The following ACVR1 variants were observed in gnomAD, a reference collection of about 807,000 sequenced individuals.
ACVR1 encodes activin receptor type-1.
In ACVR1, 38 loss-of-function variants were observed where a neutral mutation model predicts 57.1. The ratio of observed to expected loss-of-function variants is 0.67; its 90% confidence interval spans 0.51 to 0.87. ACVR1 has a LOEUF of 0.87. Among genes scored for constraint, ACVR1 ranks in the 40% least tolerant of loss-of-function variants. The pLI, the probability that ACVR1 is intolerant of heterozygous loss-of-function variation, is 0.00. For missense variants in ACVR1, 463 were observed against 638.2 expected (o/e 0.73, Z 2.96); for synonymous variants, 212 against 228.1 (o/e 0.93, Z 0.63).
intron 9 of ACVR1, among the ~76,000 whole-genome samples, chr2:157,753,357 G>C (rs1359547858): frequency 6.6e-6 from 1 of 152,098 alleles, no homozygotes; most frequent in Non-Finnish European, 1.5e-5. Flanking sequence ...GTGAAACCCT[G>C]TTTCTCCTAA....
chr2:157,819,038 A>T (rs1044658134), intron 1 of ACVR1, among the ~76,000 whole-genome samples: 2 of 118,986 alleles, frequency 1.7e-5, no homozygotes, highest in African/African-American at 3.2e-5. Context: ...AGATCCCGCC[A>T]CTGCACTCCA....
intron 3 of ACVR1, among the ~76,000 whole-genome samples, chr2:157,795,377 A>AACACACACACACACAC (rs4029027): frequency 7.5e-6 from 1 of 134,118 alleles, no homozygotes; most frequent in South Asian, 2.6e-4. Flanking sequence ...CCTTCCATAG[A>AACACACACACACACAC]ACACACACAC....
chr2:157,805,326 T>C (rs1687479304), intron 2 of ACVR1, among the ~76,000 whole-genome samples: 1 of 152,212 alleles, frequency 6.6e-6, no homozygotes, highest in Non-Finnish European at 1.5e-5. Flanking sequence ...CCTGATACTC[T>C]TCTCAATTCA....
intron 8 of ACVR1, 57 bp from the exon 9 acceptor site, chr2:157,761,134 C>A: frequency 6.3e-7 from 1 of 1,582,748 alleles, no homozygotes; most frequent in Non-Finnish European, 8.6e-7. Context: ...TAAGAGGCTG[C>A]TGAAGGATTT....
intron 5 of ACVR1, 72 bp from the exon 6 acceptor site, chr2:157,774,259 T>C (rs190911080): frequency 8.1e-7 from 1 of 1,239,478 alleles, no homozygotes; most frequent in East Asian, 2.3e-5. Context: ...TTAGCATGCA[T>C]GACATTGTAA....
intron 8 of ACVR1, among the ~76,000 whole-genome samples, chr2:157,763,564 A>G (rs571238371): frequency 1.3e-5 from 2 of 152,112 alleles, no homozygotes; most frequent in Admixed American, 1.3e-4. Flanking sequence ...ACTAAGAACA[A>G]AAAAAAGTTA....
intron 2 of ACVR1, among the ~76,000 whole-genome samples, chr2:157,806,117 C>T (rs1469170895): frequency 6.6e-6 from 1 of 152,048 alleles, no homozygotes; most frequent in Non-Finnish European, 1.5e-5. Context: ...TGGGAGCTAC[C>T]ATGCTCCGCC....
intron 1 of ACVR1, among the ~76,000 whole-genome samples, chr2:157,833,765 T>C (rs1688670592): frequency 2.6e-5 from 4 of 152,218 alleles, no homozygotes. Flanking sequence ...ATGGCTTATT[T>C]TCTAACACTG....
At chr2:157,781,747 C>T (rs1018548145) in intron 3 of ACVR1, among the ~76,000 whole-genome samples, 3 of 152,202 alleles carry the variant, frequency 2.0e-5, no homozygotes, top group Non-Finnish European at 2.9e-5. Flanking sequence ...TCTGCATTTT[C>T]ACATTACTCT....
chr2:157,765,777 G>A, intron 8 of ACVR1, 144 bp downstream of exon 8: 1 of 715,734 alleles, frequency 1.4e-6, no homozygotes, highest in Non-Finnish European at 2.4e-6. Context: ...CTATGTGGTG[G>A]GTATAAAGGT....
intron 7 of ACVR1, among the ~76,000 whole-genome samples, chr2:157,767,567 AG>A (rs1344764790): frequency 1.4e-4 from 21 of 152,226 alleles, no homozygotes; most frequent in African/African-American, 4.3e-4. Context: ...ATATGGCTTG[AG>A]GAAGAATTAA....
chr2:157,855,287 T>A (rs1689474773), intron 1 of ACVR1, among the ~76,000 whole-genome samples: 1 of 76,602 alleles, frequency 1.3e-5, no homozygotes, highest in African/African-American at 4.8e-5. Context: ...TGTGTGTGTG[T>A]GTGTGTGTGT....
At chr2:157,820,527 G>T (rs1017849340) in intron 1 of ACVR1, among the ~76,000 whole-genome samples, 1 of 151,616 alleles carries the variant, frequency 6.6e-6, no homozygotes. Flanking sequence ...AATAAACACT[G>T]GTATATATTT....
chr2:157,868,906 T>C (rs752189796), intron 1 of ACVR1, among the ~76,000 whole-genome samples: 9 of 152,200 alleles, frequency 5.9e-5, no homozygotes, highest in Non-Finnish European at 1.2e-4. Flanking sequence ...GAAAGCAAGA[T>C]TTTAATGATA....
At chr2:157,769,075 G>A (rs750157596) in intron 7 of ACVR1, among the ~76,000 whole-genome samples, 2 of 152,176 alleles carry the variant, frequency 1.3e-5, no homozygotes, top group Non-Finnish European at 2.9e-5. Context: ...AGGTTTTGAC[G>A]GAGGAAGGAA....
chr2:157,838,092 C>T (rs1688850073), intron 1 of ACVR1: 1 of 152,124 alleles, frequency 6.6e-6, no homozygotes, highest in Admixed American at 6.6e-5. Context: ...AGCTTTTCCC[C>T]CCCTCCCCAC....
chr2:157,872,520 T>C (rs1690144711), intron 1 of ACVR1, among the ~76,000 whole-genome samples: 1 of 152,172 alleles, frequency 6.6e-6, no homozygotes, highest in South Asian at 2.1e-4. Context: ...GCCCACACTA[T>C]TTAGTTGCAA....
chr2:157,837,875 CTT>C (rs1353356106), intron 1 of ACVR1, among the ~76,000 whole-genome samples: 2 of 152,186 alleles, frequency 1.3e-5, no homozygotes, highest in Non-Finnish European at 2.9e-5. Flanking sequence ...AACGTGGACT[CTT>C]GACTCGAATT....
At chr2:157,754,673 C>A (rs940123070) in intron 9 of ACVR1, among the ~76,000 whole-genome samples, 6 of 152,072 alleles carry the variant, frequency 3.9e-5, no homozygotes, top group African/African-American at 1.4e-4. Context: ...CGAATTCTAT[C>A]AGACATTCAA....
Sources: gnomAD v4.1 joint callset for allele counts (sites outside exome capture counted in the v4.1 genomes callset) on GRCh38, gnomAD v4.1.1 for gene constraint, MANE v1.5 for transcripts, NCBI Gene and HGNC (gene_info 2026-07-23, HGNC 2026-07-21) for gene names.